Variants in TMEM52B observed in about 807,000 individuals in gnomAD.
TMEM52B encodes the protein transmembrane protein 52B, also known as chromosome 12 open reading frame 59.
A neutral mutation model predicts 16.1 loss-of-function variants in TMEM52B; 11 were observed. The observed-to-expected ratio is 0.68, with a 90% confidence interval of 0.43 to 1.13. The LOEUF (loss-of-function observed/expected upper bound fraction) is 1.13. TMEM52B is among the 50% of genes most tolerant of loss of function. The pLI, the probability that TMEM52B is intolerant of heterozygous loss-of-function variation, is 0.00. For synonymous variants in TMEM52B, 101 were observed against 93.8 expected (o/e 1.08, Z -0.45); for missense variants, 243 against 230.4 (o/e 1.05, Z -0.35).
chr12:10,171,817 T>C (rs1948721269), intron 1 of TMEM52B, among the ~76,000 whole-genome samples: 1 of 152,220 alleles, frequency 6.6e-6, no homozygotes, highest in Non-Finnish European at 1.5e-5. Context: ...CAGTATAAAT[T>C]GTTATAAATA....
intron 4 of TMEM52B, among the ~76,000 whole-genome samples, chr12:10,189,003 C>T (rs796987439): frequency 0.031 from 3,538 of 112,396 alleles, 179 homozygotes; most frequent in African/African-American, 0.12. Context: ...GGCGACAGAG[C>T]GAGACTCCGT....
At chr12:10,182,931 C>T (rs900571936) in intron 2 of TMEM52B, among the ~76,000 whole-genome samples, 1 of 152,198 alleles carries the variant, frequency 6.6e-6, no homozygotes, top group Non-Finnish European at 1.5e-5. Flanking sequence ...TATCTAGTCA[C>T]TGGCATATAT....
upstream of TMEM52B, among the ~76,000 whole-genome samples, chr12:10,176,972 C>T (rs767475875): frequency 9.2e-5 from 14 of 152,188 alleles, no homozygotes; most frequent in Non-Finnish European, 1.8e-4. Context: ...GGGTTCCCTA[C>T]GTACAGGGCA....
Position 10,186,521 on chromosome 12 carries a change from G to A in TMEM52B, c.239G>A (p.Gly80Asp), listed in dbSNP as rs146780218. 1.2e-6 allele frequency: 2 copies of A among 1,610,080 alleles called. No homozygotes were observed. Among genetic ancestry groups the A allele is most frequent in the East Asian group, 2.2e-5 (1 of 44,830 alleles). Residue 80 changes from glycine (G) to aspartate (D), a missense_variant, in exon 4 of 5, where the codon GGC becomes GAC. Coordinates refer to ENST00000543484, the MANE Select transcript of TMEM52B (RefSeq NM_001384896.1). ...LSRQQNGEDG[G>D]PPPCEVTVIA... ...CGCCAGCAAAATGGGGAAGATGGGGGCCCACCACCCTGTGAAGTGACCGTC... is the reference window on the plus strand; with the variant it reads ...CGCCAGCAAAATGGGGAAGATGGGGACCCACCACCCTGTGAAGTGACCGTC...
chr12:10,182,023 A>G (rs948778830), intron 1 of TMEM52B: 1 of 552,250 alleles, frequency 1.8e-6, no homozygotes, highest in Admixed American at 3.1e-4. Context: ...CAAGACTCAA[A>G]AAAAAAAAAA....
chr12:10,173,385 A>T (rs1948739665), intron 1 of TMEM52B, among the ~76,000 whole-genome samples: 1 of 152,224 alleles, frequency 6.6e-6, no homozygotes, highest in Non-Finnish European at 1.5e-5. Context: ...GGAAACTATT[A>T]GGAAAAATTA....
chr12:10,182,769 A>C (rs1234224220), intron 2 of TMEM52B, among the ~76,000 whole-genome samples, 176 bp downstream of exon 2: 1 of 152,182 alleles, frequency 6.6e-6, no homozygotes, highest in Non-Finnish European at 1.5e-5. Flanking sequence ...CATCTTAAGC[A>C]CTCAAAATAA....
chr12:10,189,967 C>CAGGG lies in TMEM52B; in HGVS notation c.381_382insGGAG (p.Leu128GlyfsTer13), dbSNP rs1232399916. On this transcript the variant is annotated frameshift_variant, in exon 5 of 5. Coordinates refer to ENST00000543484, the MANE Select transcript of TMEM52B (RefSeq NM_001384896.1). LOFTEE classifies it low-confidence loss of function (END_TRUNC). The stretch of plus-strand genomic sequence containing the variant: ...GGCTCACTCCCACAGCTCCCTGGGC[C>CAGGG]AGCTGCCCTCCTCTTTGGACACCCT... The CAGGG allele has an allele frequency of 6.2e-7, 1 of 1,614,040 alleles. No individual in the cohort carries two copies. Among genetic ancestry groups the CAGGG allele is most frequent in the Non-Finnish European group, 8.5e-7 (1 of 1,180,044 alleles).
Position 10,185,368 on chromosome 12 carries a change from GGTAA to G in TMEM52B, c.137+3_137+6del. ...GACTGGGTACATCTCTGGTATATAT[GGTAA>G]GTTTCACTTATAATACCCAGAAAGA... On this transcript the variant is annotated splice_donor_variant and splice_donor_region_variant and intron_variant, in intron 3 of 4. Coordinates refer to ENST00000543484, the MANE Select transcript of TMEM52B (RefSeq NM_001384896.1). LOFTEE classifies it high-confidence loss of function. 1 of 1,606,846 alleles carries G rather than the reference GGTAA, an allele frequency of 6.2e-7. No individual in the cohort carries two copies. Among genetic ancestry groups the G allele is most frequent in the Non-Finnish European group, 8.5e-7 (1 of 1,173,460 alleles).
At chr12:10,173,273 T>A (rs1382184630) in intron 1 of TMEM52B, among the ~76,000 whole-genome samples, 1 of 152,028 alleles carries the variant, frequency 6.6e-6, no homozygotes, top group African/African-American at 2.4e-5. Context: ...CAAAATGATA[T>A]GATATCTGGC....
At chr12:10,180,774 T>C (rs2137545379) in intron 1 of TMEM52B, among the ~76,000 whole-genome samples, 1 of 152,340 alleles carries the variant, frequency 6.6e-6, no homozygotes, top group South Asian at 2.1e-4. Flanking sequence ...AAGCAACTTC[T>C]AGAATTGAGT....
upstream of TMEM52B, among the ~76,000 whole-genome samples, chr12:10,174,048 T>TTTTGTTTGTTTG (rs35635554): frequency 6.6e-6 from 1 of 150,402 alleles, no homozygotes; most frequent in East Asian, 2.0e-4. Flanking sequence ...ATTTCATGTG[T>TTTTGTTTGTTTG]TTTGTTTGTT....
upstream of TMEM52B, among the ~76,000 whole-genome samples, chr12:10,176,523 A>G (rs1378879461): frequency 6.6e-6 from 1 of 152,174 alleles, no homozygotes; most frequent in African/African-American, 2.4e-5. Flanking sequence ...AAAGGTGGCC[A>G]GGCTAGCAAG....
At chr12:10,178,612 C>G (rs1948787373), upstream of TMEM52B, among the ~76,000 whole-genome samples, 1 of 149,954 alleles carries the variant, frequency 6.7e-6, no homozygotes. Context: ...AGTGACAAGA[C>G]TTATTTCTCA....
At chr12:10,172,100 A>AGAG in intron 1 of TMEM52B, 1 of 1,582,450 alleles carries the variant, frequency 6.3e-7, no homozygotes, top group Non-Finnish European at 8.7e-7. Flanking sequence ...GCTAAGAATG[A>AGAG]GAGAGTGAAG....
intron 1 of TMEM52B, chr12:10,172,046 A>G (rs779706155): frequency 6.8e-6 from 11 of 1,613,760 alleles, no homozygotes; most frequent in Non-Finnish European, 8.5e-6. Context: ...CTGGTCCTTC[A>G]CAGTCTGGAT....
chr12:10,175,626 T>A (rs1948760089), upstream of TMEM52B: 1 of 152,270 alleles, frequency 6.6e-6, no homozygotes, highest in Non-Finnish European at 1.5e-5. Context: ...ATCTTTTTAC[T>A]GATTTCAGTG....
At chr12:10,187,883 G>A (rs1237161853) in intron 4 of TMEM52B, among the ~76,000 whole-genome samples, 1 of 152,078 alleles carries the variant, frequency 6.6e-6, no homozygotes, top group Non-Finnish European at 1.5e-5. Flanking sequence ...TGGCTTACTT[G>A]AAGTCAGGAG....
intron 4 of TMEM52B, 88 bp downstream of exon 4, chr12:10,186,677 G>A: frequency 7.7e-7 from 1 of 1,305,142 alleles, no homozygotes; most frequent in Middle Eastern, 2.0e-4. Context: ...CACTGATCGA[G>A]TAATATTAAA....
Sources: allele counts gnomAD v4.1 joint callset (sites outside exome capture counted in the v4.1 genomes callset), GRCh38; gene constraint gnomAD v4.1.1; transcripts MANE v1.5; gene names NCBI Gene and HGNC (gene_info 2026-07-23, HGNC 2026-07-21).